L3MBTL3: variants seen among roughly 807,000 people sequenced by gnomAD.
The protein encoded by L3MBTL3 is L3MBTL histone methyl-lysine binding protein 3, also known as lethal(3)malignant brain tumor-like protein 3.
Under a neutral mutation model 102.3 loss-of-function variants are expected in L3MBTL3, and 27 were observed. The observed-to-expected ratio is 0.26, with a 90% CI of 0.19 to 0.36. The LOEUF is 0.36. Ranked by LOEUF, L3MBTL3 falls within the 10% of genes least tolerant of loss-of-function variation. L3MBTL3 has a pLI of 1.00. For missense variants in L3MBTL3, 798 were observed against 955.3 expected, an observed-to-expected ratio of 0.84 and a Z score of 2.17; for synonymous variants, 340 against 320.9, an observed-to-expected ratio of 1.06 and a Z score of -0.64.
intron 9 of L3MBTL3, among the ~76,000 whole-genome samples, chr6:130,058,472 T>TAA (rs111300227): frequency 1.5e-5 from 2 of 132,952 alleles, no homozygotes; most frequent in Non-Finnish European, 1.6e-5. Flanking sequence ...ACTCGGCCTC[T>TAA]AAAAAAAAAA....
intron 6 of L3MBTL3, among the ~76,000 whole-genome samples, chr6:130,052,021 T>A (rs1469901687): frequency 6.6e-6 from 1 of 152,232 alleles, no homozygotes; most frequent in Non-Finnish European, 1.5e-5. Context: ...CATATCATTG[T>A]ATACTACAAA....
intron 16 of L3MBTL3, among the ~76,000 whole-genome samples, chr6:130,090,906 A>AT (rs1476844930): frequency 2.0e-5 from 3 of 151,940 alleles, no homozygotes; most frequent in African/African-American, 7.3e-5. Flanking sequence ...TTGTCTTTTC[A>AT]TATATTTACT....
At chr6:130,129,964 C>T (rs1197978592) in intron 20 of L3MBTL3, among the ~76,000 whole-genome samples, 1 of 152,170 alleles carries the variant, frequency 6.6e-6, no homozygotes, top group Non-Finnish European at 1.5e-5. Flanking sequence ...AAGCTGCTTT[C>T]TTTATTCCTT....
At chr6:130,022,152 G>A (rs2114428425) in intron 1 of L3MBTL3, 75 bp from the exon 2 acceptor site, 1 of 152,274 alleles carries the variant, frequency 6.6e-6, no homozygotes, top group South Asian at 2.1e-4. Flanking sequence ...TCTTAACTGG[G>A]GATGGTGGAT....
rs550926656 is a variant in L3MBTL3, at chr6:130,133,095, C to G, written c.1967-357C>G. On this transcript the variant is annotated intron_variant, in intron 20 of 22. Transcript: ENST00000361794. The surrounding 1 kb of genome is among the most constrained non-coding windows in gnomAD (Gnocchi z 4.9). ...AACTTGGCTGTTACCTTTACAACAT[C>G]CAAAGCAGAAAGGGGAGCAAATAAA... Among the ~76,000 whole-genome samples the G allele has an allele frequency of 6.6e-6, 1 of 152,138 alleles. No individual in the cohort carries two copies. Among genetic ancestry groups the G allele is most frequent in the South Asian group, 2.1e-4 (1 of 4,826 alleles).
At position 130,141,377 on chromosome 6, in the gene L3MBTL3, A is replaced by AATT. The variant is rs1788262665; in HGVS notation, c.*1625_*1627dup. 1 of 152,218 alleles carries AATT rather than the reference A, an allele frequency of 6.6e-6. No homozygotes were observed. The highest frequency in any genetic ancestry group is 1.5e-5 in the Non-Finnish European group (1 of 68,036). The allele number at this position is 152,218 out of a possible 1,614,324, so 9.4% of individuals were successfully genotyped here. A position where few individuals can be genotyped will look rare whatever the true frequency, so the allele number is the denominator to read the frequency against. ...TTTTTCTTTTTTATGTTTTGTTCAG[A>AATT]ATTTGTACATTCAAGTTGTACTTGT... On this transcript the variant is annotated 3_prime_UTR_variant, in exon 23 of 23. Coordinates refer to ENST00000361794, the MANE Select transcript of L3MBTL3 (RefSeq NM_032438.4).
At position 130,085,256 on chromosome 6, in the gene L3MBTL3, A is replaced by G. The variant is rs375394172; in HGVS notation, c.1408-884A>G. Reference sequence around the variant, plus strand: ...CTGTCTGTGAGTTTTTCAGAGGCTTATAAGTTTCTGCTGAGTACTGAGGCG... The same window carrying G: ...CTGTCTGTGAGTTTTTCAGAGGCTTGTAAGTTTCTGCTGAGTACTGAGGCG... On this transcript the variant is annotated intron_variant, in intron 15 of 22. Coordinates refer to ENST00000361794, the MANE Select transcript of L3MBTL3 (RefSeq NM_032438.4). Among the ~76,000 whole-genome samples the G allele has an allele frequency of 1.4e-4, 22 of 152,336 alleles. No homozygotes were observed. The East Asian group carries it at 3.9e-3, about 27-fold the overall frequency.
intron 14 of L3MBTL3, among the ~76,000 whole-genome samples, chr6:130,079,648 C>A (rs1562292892): frequency 1.3e-5 from 2 of 152,082 alleles, no homozygotes; most frequent in African/African-American, 2.4e-5. Flanking sequence ...GAGGATGAGT[C>A]CTGGGTTTAC....
intron 9 of L3MBTL3, among the ~76,000 whole-genome samples, 163 bp downstream of exon 9, chr6:130,057,660 G>A (rs1018513554): frequency 5.9e-5 from 9 of 152,228 alleles, no homozygotes; most frequent in Admixed American, 2.0e-4. Context: ...TGACTTGTGC[G>A]TACCTCCCAT....
chr6:130,096,150 T>C (rs1426117637), intron 18 of L3MBTL3, among the ~76,000 whole-genome samples: 1 of 152,162 alleles, frequency 6.6e-6, no homozygotes, highest in Non-Finnish European at 1.5e-5. Flanking sequence ...CGGGGGGTAC[T>C]GGGGAGGTTA....
rs146707238 is a variant in L3MBTL3 at position 130,049,771 on chromosome 6, C to T, written c.230C>T (p.Pro77Leu). The T allele has an allele frequency of 4.0e-5, 65 of 1,614,098 alleles. 1 individual carries two copies. The Middle Eastern group carries it at 4.5e-3, about 111-fold the overall frequency. Reference protein sequence around the residue: ...PTAQEAPTSPPSSRPVFPPAY... With the variant: ...PTAQEAPTSPLSSRPVFPPAY... Reference sequence around the variant, plus strand: ...ACATCTCCAGCCCCGACCTCTCCCCCGAGCTCCAGGCCCGTATTTCCACCT... The same window carrying T: ...ACATCTCCAGCCCCGACCTCTCCCCTGAGCTCCAGGCCCGTATTTCCACCT... Residue 77 changes from proline (P) to leucine (L), a missense_variant, in exon 5 of 23, where the codon CCG becomes CTG. Around this residue, in one of 4 missense-constraint regions of L3MBTL3, gnomAD observed 434 missense variants for 506.6 expected, o/e 0.86. Coordinates refer to ENST00000361794, the MANE Select transcript of L3MBTL3 (RefSeq NM_032438.4).
chr6:130,062,061 G>GT (rs1781932846), intron 10 of L3MBTL3, among the ~76,000 whole-genome samples: 1 of 152,148 alleles, frequency 6.6e-6, no homozygotes, highest in African/African-American at 2.4e-5. Flanking sequence ...CTTTTGAGAA[G>GT]TTTAGCTATA....
chr6:130,073,680 T>C (rs759197085), intron 13 of L3MBTL3, among the ~76,000 whole-genome samples: 32 of 152,126 alleles, frequency 2.1e-4, no homozygotes, highest in Non-Finnish European at 3.4e-4. Flanking sequence ...TCTAGAAGAA[T>C]TCGCCATGTT....
chr6:130,024,426 A>C lies in L3MBTL3; in HGVS notation c.-16+2121A>C, dbSNP rs558964781. ...CATCTCCACTCTTTGGAGATTATCC[A>C]ATCAATGTTCTAAGAATCCAAAAAC... On this transcript the variant is annotated intron_variant, in intron 2 of 22. Transcript: ENST00000361794. Among the ~76,000 whole-genome samples the C allele has an allele frequency of 8.5e-5, 13 of 152,322 alleles. 1 individual carries two copies. In the South Asian group the frequency reaches 2.7e-3, roughly 32 times the overall value.
intron 16 of L3MBTL3, among the ~76,000 whole-genome samples, chr6:130,088,909 G>A (rs923563958): frequency 6.6e-6 from 1 of 152,036 alleles, no homozygotes; most frequent in South Asian, 2.1e-4. Context: ...ATTCACTGTT[G>A]AGCAAAGTAG....
intron 2 of L3MBTL3, among the ~76,000 whole-genome samples, chr6:130,036,876 A>G (rs747464010): frequency 1.8e-4 from 27 of 152,316 alleles, no homozygotes; most frequent in Non-Finnish European, 2.2e-4. Flanking sequence ...TCGGAGGAGA[A>G]CAAAACTCTA....
At chr6:130,057,929 G>T (rs1237579105) in intron 9 of L3MBTL3, among the ~76,000 whole-genome samples, 1 of 151,464 alleles carries the variant, frequency 6.6e-6, no homozygotes, top group Non-Finnish European at 1.5e-5. Context: ...GGATCACGAG[G>T]TCAGGAGATC....
In L3MBTL3 at chr6:130,139,464, A is replaced by C. The variant is rs1164815507; in HGVS notation, c.2200-146A>C. On this transcript the variant is annotated intron_variant, in intron 22 of 22. Coordinates refer to ENST00000361794, the MANE Select transcript of L3MBTL3 (RefSeq NM_032438.4). ...CATTGTGGATAAGAAAGGTCCATAT[A>C]TCAAGAAATGTCATTGCACACGTGA... The C allele has an allele frequency of 1.0e-5, 7 of 687,050 alleles. No homozygotes were observed. In the Admixed American group the frequency reaches 1.3e-4, roughly 13 times the overall value. The allele number at this position is 687,050 out of a possible 1,614,324, so 42.6% of individuals were successfully genotyped here.
intron 20 of L3MBTL3, among the ~76,000 whole-genome samples, chr6:130,124,984 T>A (rs577628596): frequency 1.5e-4 from 23 of 150,602 alleles, no homozygotes; most frequent in South Asian, 1.1e-3. Context: ...AAAAAAAAAA[T>A]AAAATAAAAT....
Sources: allele counts gnomAD v4.1 joint callset (sites outside exome capture counted in the v4.1 genomes callset), GRCh38; gene constraint gnomAD v4.1.1; regional missense constraint gnomAD v4.1.1; non-coding constraint Gnocchi (gnomAD v3.1); transcripts MANE v1.5; gene names NCBI Gene and HGNC (gene_info 2026-07-23, HGNC 2026-07-21).